INPP5A: variants seen among roughly 807,000 people sequenced by gnomAD.
INPP5A encodes the protein inositol polyphosphate-5-phosphatase A.
Under a neutral mutation model 65.2 loss-of-function variants are expected in INPP5A, and 14 were observed. The ratio of observed to expected loss-of-function variants is 0.21; its 90% CI spans 0.14 to 0.34. The LOEUF is 0.34. Among genes scored for constraint, INPP5A ranks in the 10% least tolerant of loss-of-function variants. The pLI is 1.00. For missense variants in INPP5A, 431 were observed against 545.6 expected, an observed-to-expected ratio of 0.79 and a Z score of 2.09; for synonymous variants, 207 against 208.3, an observed-to-expected ratio of 0.99 and a Z score of 0.05.
At chr10:132,593,205 A>C (rs2819715) in intron 1 of INPP5A, among the ~76,000 whole-genome samples, 137,607 of 152,266 alleles carry the variant, frequency 0.9, 62,250 homozygotes, top group East Asian at 1. Flanking sequence ...TCTGCCTGAC[A>C]CTTTCACCTT....
At chr10:132,769,806 C>T (rs573257458) in intron 12 of INPP5A, among the ~76,000 whole-genome samples, 2 of 150,802 alleles carry the variant, frequency 1.3e-5, no homozygotes, top group African/African-American at 2.4e-5. Flanking sequence ...TAGCTCCCCC[C>T]CCCCAAGTTC....
rs1256169922 is a variant in INPP5A at position 132,675,240 on chromosome 10, A to AG, written c.307-15148dup. On this transcript the variant is annotated intron_variant, in intron 4 of 15. Transcript: ENST00000368594. This position sits in a 1 kb window ranked among gnomAD's most constrained non-coding sequence, Gnocchi z 4.2. ...CTGTTCCTGCAGAAATGGTAACCGC[A>AG]GGGGACGGTGCAGCCGCATCTTCCG... Among the ~76,000 whole-genome samples the AG allele has an allele frequency of 6.6e-6, 1 of 152,258 alleles. No homozygotes were observed. Among genetic ancestry groups the AG allele is most frequent in the Non-Finnish European group, 1.5e-5 (1 of 68,046 alleles).
chr10:132,627,575 G>A lies in INPP5A; in HGVS notation c.118-18293G>A, dbSNP rs1383486782. On this transcript the variant is annotated intron_variant, in intron 2 of 15. Transcript: ENST00000368594. The surrounding 1 kb of genome is among the most constrained non-coding windows in gnomAD (Gnocchi z 6.6). The stretch of plus-strand genomic sequence containing the variant: ...CTCTGTGTCCCCAGCTGCCAGCAAC[G>A]TGCAGCGGATGACAAGTGAAATGAA... Among the ~76,000 whole-genome samples, 1 of 152,220 alleles carries A rather than the reference G, an allele frequency of 6.6e-6. No individual in the cohort carries two copies. The highest frequency in any genetic ancestry group is 1.5e-5 in the Non-Finnish European group (1 of 68,040).
chr10:132,675,054 C>A lies in INPP5A; in HGVS notation c.307-15338C>A, dbSNP rs758254013. ...TGCAGAGCCTACTCCTCTTCTGGAC[C>A]CCCTCAGTCCTCCATACCCAAAGTC... On this transcript the variant is annotated intron_variant, in intron 4 of 15. Transcript: ENST00000368594. The surrounding 1 kb of genome is among the most constrained non-coding windows in gnomAD (Gnocchi z 4.2). Among the ~76,000 whole-genome samples the A allele has an allele frequency of 6.6e-6, 1 of 152,174 alleles. No individual in the cohort carries two copies. The highest frequency in any genetic ancestry group is 1.5e-5 in the Non-Finnish European group (1 of 68,034).
chr10:132,607,806 G>C (rs1450372578), intron 1 of INPP5A, 109 bp from the exon 2 acceptor site: 1 of 1,116,568 alleles, frequency 9.0e-7, no homozygotes, highest in African/African-American at 1.5e-5. Context: ...GTGGGCCCGG[G>C]CTGCGCCTCT....
At chr10:132,590,589 G>A (rs1469396837) in intron 1 of INPP5A, among the ~76,000 whole-genome samples, 1 of 152,180 alleles carries the variant, frequency 6.6e-6, no homozygotes. Context: ...ACCCTCCAGC[G>A]ATGGGTCCTC....
At position 132,738,162 on chromosome 10, in the gene INPP5A, T is replaced by C. The variant is rs538657994; in HGVS notation, c.732+11257T>C. Among the ~76,000 whole-genome samples the C allele has an allele frequency of 2.6e-5, 4 of 152,310 alleles. No homozygotes were observed. In the South Asian group the frequency reaches 8.3e-4, roughly 32 times the overall value. On this transcript the variant is annotated intron_variant, in intron 9 of 15. Transcript: ENST00000368594. ...CTTTTCTATATTTTTTATGAGCTCA[T>C]ACTTTATTTAAAAATTCCTCTGACT... is the stretch of plus-strand genomic sequence containing the variant.
Position 132,566,530 on chromosome 10 carries a change from A to C in INPP5A, c.75+28359A>C, listed in dbSNP as rs570806258. Among the ~76,000 whole-genome samples the C allele has an allele frequency of 5.9e-5, 9 of 152,342 alleles. No homozygotes were observed. In the South Asian group the frequency reaches 1.7e-3, roughly 28 times the overall value. ...ACTCGATCCAATGTGTTCATACTAG[A>C]AACGTAAGGATAAGTTCATGTTCCA... On this transcript the variant is annotated intron_variant, in intron 1 of 15. Transcript: ENST00000368594.
At chr10:132,654,914 C>T (rs1021061947) in intron 4 of INPP5A, among the ~76,000 whole-genome samples, 9 of 152,220 alleles carry the variant, frequency 5.9e-5, no homozygotes, top group African/African-American at 1.7e-4. Flanking sequence ...GCCCACGCAG[C>T]GCCTGAGAGT....
At chr10:132,597,382 A>G (rs2071717612) in intron 1 of INPP5A, among the ~76,000 whole-genome samples, 1 of 152,206 alleles carries the variant, frequency 6.6e-6, no homozygotes, top group Non-Finnish European at 1.5e-5. Flanking sequence ...CTGTTCCTGC[A>G]GGTGGTGGGA....
chr10:132,744,701 G>T (rs189293868), intron 9 of INPP5A, among the ~76,000 whole-genome samples: 1 of 152,124 alleles, frequency 6.6e-6, no homozygotes. Context: ...AACTGTGAAC[G>T]CCCTTTTACT....
At chr10:132,601,330 T>C (rs2485640) in intron 1 of INPP5A, among the ~76,000 whole-genome samples, 37,460 of 152,174 alleles carry the variant, frequency 0.25, 5,457 homozygotes, top group East Asian at 0.5. Flanking sequence ...GTCCTCTTCC[T>C]ATTTTTAATG....
chr10:132,748,675 G>C (rs546203383), intron 9 of INPP5A, among the ~76,000 whole-genome samples: 168 of 152,372 alleles, frequency 1.1e-3, no homozygotes, highest in African/African-American at 3.8e-3. Context: ...CTGTCCGCCA[G>C]CCAGGACCGT....
chr10:132,595,319 A>G (rs896845161), intron 1 of INPP5A, among the ~76,000 whole-genome samples: 1 of 149,010 alleles, frequency 6.7e-6, no homozygotes, highest in Non-Finnish European at 1.5e-5. Context: ...GTGAGGTGTG[A>G]TTTATTTTGT....
At chr10:132,720,263 G>A (rs1200131780) in intron 8 of INPP5A, among the ~76,000 whole-genome samples, 15 of 139,720 alleles carry the variant, frequency 1.1e-4, no homozygotes, top group African/African-American at 1.6e-4. Flanking sequence ...GTTCTGTGGT[G>A]CCTGGGTTCT....
chr10:132,712,747 GGTGCATGTGTCTGTGTATTTGGGTGT>G lies in INPP5A; in HGVS notation c.647+2302_647+2327del, dbSNP rs1480875802. 3.3e-5 allele frequency among the ~76,000 whole-genome samples: 5 copies of G among 149,624 alleles called. No homozygotes were observed. In the East Asian group the frequency reaches 1.0e-3, roughly 30 times the overall value. ...GTATGCATGTGTAGGTGTGTGTGTA[GGTGCATGTGTCTGTGTATTTGGGTGT>G]GTGCATGTGTGCAGGGGTGCACTGA... On this transcript the variant is annotated intron_variant, in intron 8 of 15. Transcript: ENST00000368594.
chr10:132,578,944 C>T (rs904789731), intron 1 of INPP5A, among the ~76,000 whole-genome samples: 3 of 152,150 alleles, frequency 2.0e-5, no homozygotes, highest in African/African-American at 7.2e-5. Context: ...AGAGGTCGGG[C>T]CTCACAGGCT....
rs554253058 is a variant in INPP5A at position 132,674,490 on chromosome 10, T to C, written c.307-15902T>C. On this transcript the variant is annotated intron_variant, in intron 4 of 15. Coordinates refer to ENST00000368594, the MANE Select transcript of INPP5A (RefSeq NM_005539.5). This position sits in a 1 kb window ranked among gnomAD's most constrained non-coding sequence, Gnocchi z 4.4. ...GAACCATCTGTGAACCAGGCCCCGGTCTTCTCTTCCTCTGTCAGCTGATCA... is the reference window on the plus strand; with the variant it reads ...GAACCATCTGTGAACCAGGCCCCGGCCTTCTCTTCCTCTGTCAGCTGATCA... 3.9e-5 allele frequency among the ~76,000 whole-genome samples: 6 copies of C among 152,328 alleles called. No individual in the cohort carries two copies. In the South Asian group the frequency reaches 1.2e-3, roughly 32 times the overall value.
At chr10:132,721,706 G>C (rs943375251) in intron 8 of INPP5A, among the ~76,000 whole-genome samples, 4 of 143,182 alleles carry the variant, frequency 2.8e-5, no homozygotes, top group African/African-American at 8.9e-5. Context: ...GTGGTGCCTG[G>C]GTTCTGTCTG....
Sources: gnomAD v4.1 joint callset for allele counts (sites outside exome capture counted in the v4.1 genomes callset) on GRCh38, gnomAD v4.1.1 for gene constraint, Gnocchi (gnomAD v3.1) non-coding constraint, MANE v1.5 for transcripts, NCBI Gene and HGNC (gene_info 2026-07-23, HGNC 2026-07-21) for gene names.